The following CCDC171 variants were observed in gnomAD, a reference collection of about 807,000 sequenced individuals.
CCDC171 encodes coiled-coil domain containing 171.
In CCDC171, 177 loss-of-function variants were observed where a neutral mutation model predicts 168.2. That is an observed-to-expected ratio of 1.05 (90% confidence interval 0.93 to 1.19). The LOEUF is 1.19. Ranked by LOEUF, CCDC171 falls within the 50% of genes most tolerant of loss-of-function variation. CCDC171 has a pLI of 0.00. For synonymous variants in CCDC171, 687 were observed against 540.8 expected, an observed-to-expected ratio of 1.27 and a Z score of -3.75; for missense variants, 1,991 against 1,539.0, an observed-to-expected ratio of 1.29 and a Z score of -4.91.
chr9:15,911,728 G>A (rs1330619275), intron 24 of CCDC171, among the ~76,000 whole-genome samples: 1 of 152,160 alleles, frequency 6.6e-6, no homozygotes, highest in East Asian at 1.9e-4. Context: ...TTTGTATAAG[G>A]TGTAAGGAAG....
intron 24 of CCDC171, among the ~76,000 whole-genome samples, chr9:15,898,568 T>C (rs1821213927): frequency 6.6e-6 from 1 of 152,196 alleles, no homozygotes; most frequent in South Asian, 2.1e-4. Context: ...TAAATCAGTA[T>C]CATTTAAACA....
intron 18 of CCDC171, among the ~76,000 whole-genome samples, chr9:15,776,928 A>C (rs560847730): frequency 6.6e-6 from 1 of 152,346 alleles, no homozygotes; most frequent in Non-Finnish European, 1.5e-5. Flanking sequence ...AAGTAATGAC[A>C]GATTAAGACC....
intron 25 of CCDC171, among the ~76,000 whole-genome samples, chr9:15,936,035 C>CTTT (rs1827073756): frequency 6.6e-6 from 1 of 151,982 alleles, no homozygotes; most frequent in Non-Finnish European, 1.5e-5. Context: ...AACATAGTTA[C>CTTT]TTGATAAGAT....
chr9:15,677,151 C>T (rs1185934689), intron 9 of CCDC171, among the ~76,000 whole-genome samples: 2 of 152,018 alleles, frequency 1.3e-5, no homozygotes, highest in Non-Finnish European at 2.9e-5. Flanking sequence ...TTATTCTTTG[C>T]ACCTTATTCA....
intron 5 of CCDC171, 57 bp downstream of exon 5, chr9:15,591,613 G>A (rs1388659826): frequency 2.1e-6 from 2 of 937,658 alleles, no homozygotes; most frequent in Non-Finnish European, 3.2e-6. Context: ...GAGATGTGTT[G>A]TACATTACTT....
intron 18 of CCDC171, among the ~76,000 whole-genome samples, chr9:15,770,724 G>A (rs2056969435): frequency 6.6e-6 from 1 of 152,136 alleles, no homozygotes. Context: ...GAATGAGTAA[G>A]GTAGTGAGTA....
At chr9:16,011,778 GAAACAGAT>G (rs1832875716) in intron 3 of CCDC171, among the ~76,000 whole-genome samples, 2 of 152,172 alleles carry the variant, frequency 1.3e-5, no homozygotes, top group South Asian at 4.1e-4. Flanking sequence ...AGTTAATTAG[GAAACAGAT>G]AAACAGGAAA....
intron 6 of CCDC171, among the ~76,000 whole-genome samples, chr9:15,606,618 C>T (rs1343684686): frequency 1.3e-5 from 2 of 152,130 alleles, no homozygotes; most frequent in African/African-American, 4.8e-5. Context: ...TGATACTTTT[C>T]TAACTAGTGT....
At chr9:16,095,125 C>G in the CCDC171 span, among the ~76,000 whole-genome samples, 4 of 152,164 alleles carry the variant, frequency 2.6e-5, no homozygotes, top group Admixed American at 2.6e-4. Flanking sequence ...AACCTCTTTT[C>G]TTTATAAATG....
At chr9:15,632,855 T>C (rs199657876) in intron 7 of CCDC171, among the ~76,000 whole-genome samples, 1 of 152,060 alleles carries the variant, frequency 6.6e-6, no homozygotes, top group Non-Finnish European at 1.5e-5. Flanking sequence ...CAGAGCACTC[T>C]GAAATAATGC....
intron 19 of CCDC171, among the ~76,000 whole-genome samples, chr9:15,778,623 C>G (rs62571302): frequency 0.37 from 45,681 of 123,420 alleles, 9,976 homozygotes; most frequent in East Asian, 0.65. Flanking sequence ...TCCAGCCTGG[C>G]CTACAGAGTA....
intron 21 of CCDC171, among the ~76,000 whole-genome samples, chr9:15,787,805 TTG>T (rs1193056544): frequency 6.6e-6 from 1 of 152,184 alleles, no homozygotes; most frequent in Non-Finnish European, 1.5e-5. Flanking sequence ...TTTTGACAGT[TTG>T]GTAGATATGT....
intron 8 of CCDC171, 143 bp downstream of exon 8, chr9:15,657,362 G>A: frequency 1.9e-6 from 1 of 540,196 alleles, no homozygotes. Flanking sequence ...TGTATATAAG[G>A]TTAGGATACA....
At chr9:15,594,736 G>A (rs1208352751) in intron 6 of CCDC171, among the ~76,000 whole-genome samples, 2 of 152,070 alleles carry the variant, frequency 1.3e-5, no homozygotes, top group African/African-American at 4.8e-5. Context: ...CTGGGAAAAG[G>A]CTGCAGGTCT....
At chr9:15,795,277 A>T (rs2058494140) in intron 21 of CCDC171, among the ~76,000 whole-genome samples, 1 of 152,076 alleles carries the variant, frequency 6.6e-6, no homozygotes, top group Admixed American at 6.6e-5. Context: ...TTTATAACTA[A>T]CTCACTCCCA....
At chr9:16,059,600 C>T (rs1275319382) in intron 1 of CCDC171, among the ~76,000 whole-genome samples, 1 of 145,556 alleles carries the variant, frequency 6.9e-6, no homozygotes, top group Non-Finnish European at 1.5e-5. Flanking sequence ...CTGCAAGCTC[C>T]GCTTCCCAGG....
rs374557798 is a variant in CCDC171, at chr9:15,590,286, A to G, written c.353-1080A>G. 2.5e-4 allele frequency among the ~76,000 whole-genome samples: 38 copies of G among 152,352 alleles called. No homozygotes were observed. In the East Asian group the frequency reaches 3.1e-3, roughly 12 times the overall value. On this transcript the variant is annotated intron_variant, in intron 4 of 25. Transcript: ENST00000380701. ...ATTTTGAATGTATGATTGATTCAAA[A>G]TGCAAAGAAATATAATTTAGAAATA...
At chr9:15,688,709 T>G (rs981476674) in intron 10 of CCDC171, among the ~76,000 whole-genome samples, 3 of 152,098 alleles carry the variant, frequency 2.0e-5, no homozygotes, top group Non-Finnish European at 4.4e-5. Context: ...CTCCTCAACC[T>G]CAAGAAGAGC....
At chr9:15,601,126 C>T (rs1388903802) in intron 6 of CCDC171, among the ~76,000 whole-genome samples, 1 of 152,178 alleles carries the variant, frequency 6.6e-6, no homozygotes, top group African/African-American at 2.4e-5. Flanking sequence ...ACGCTCAGTG[C>T]ACTGCACCCA....
Sources: allele counts gnomAD v4.1 joint callset (sites outside exome capture counted in the v4.1 genomes callset), GRCh38; gene constraint gnomAD v4.1.1; transcripts MANE v1.5; gene names NCBI Gene and HGNC (gene_info 2026-07-23, HGNC 2026-07-21).